PDE6B: variants seen among roughly 807,000 people sequenced by gnomAD.
PDE6B encodes rod cGMP-specific 3',5'-cyclic phosphodiesterase subunit beta.
PDE6B carries 106 observed loss-of-function variants against 109.0 expected under a neutral mutation model. The observed-to-expected ratio is 0.97, with a 90% CI of 0.83 to 1.14. The LOEUF (loss-of-function observed/expected upper bound fraction) is 1.14, where lower values mean the gene tolerates loss of function less well. PDE6B is among the 50% of genes most tolerant of loss of function. The pLI, the probability that PDE6B is intolerant of heterozygous loss-of-function variation, is 0.00. For missense variants in PDE6B, 1,193 were observed against 1,155.6 expected (o/e 1.03, Z -0.47); for synonymous variants, 490 against 471.3 (o/e 1.04, Z -0.51).
Position 663,690 on chromosome 4 carries a change from C to G in PDE6B, c.1921-80C>G. 1 of 1,033,798 alleles carries G rather than the reference C, an allele frequency of 9.7e-7. No individual in the cohort carries two copies. Among genetic ancestry groups the G allele is most frequent in the South Asian group, 1.3e-5 (1 of 77,028 alleles). The allele number at this position is 1,033,798 out of a possible 1,614,324, so 64.0% of individuals were successfully genotyped here. ...CGGGGGCGTGAGAGGCACAGGCAGC[C>G]GAGGCGGAAGGGGCGGGGTCCCCGG... On this transcript the variant is annotated intron_variant, in intron 15 of 21. Coordinates refer to ENST00000496514, the MANE Select transcript of PDE6B (RefSeq NM_000283.4). The surrounding 1 kb of genome is among the most constrained non-coding windows in gnomAD (Gnocchi z 4.0).
Position 658,898 on chromosome 4 carries a change from A to G in PDE6B, c.1402-54A>G. On this transcript the variant is annotated intron_variant, in intron 10 of 21. Coordinates refer to ENST00000496514, the MANE Select transcript of PDE6B (RefSeq NM_000283.4). ...CACACGGGGTGGACGCACCGCCGTCACCTTGTCCCACATGCGAAGCTCTTT... is the reference window on the plus strand; with the variant it reads ...CACACGGGGTGGACGCACCGCCGTCGCCTTGTCCCACATGCGAAGCTCTTT... The G allele has an allele frequency of 6.1e-6, 8 of 1,315,616 alleles. No homozygotes were observed. The Admixed American group carries it at 1.3e-4, about 22-fold the overall frequency. 81.5% of individuals were successfully genotyped at this position (1,315,616 alleles called of 1,614,324 possible).
At position 667,968 on chromosome 4, in the gene PDE6B, A is replaced by G; in HGVS notation, c.2465A>G (p.Glu822Gly). The stretch of plus-strand genomic sequence containing the variant: ...TATGAGGCCAAAGTGAAGGCTCTGG[A>G]GGAGAAGGAGGAGGAGGAGAGGGTG... ...DEYEAKVKAL[E>G]EKEEEERVAA... Residue 822 changes from glutamate to glycine, a missense_variant, in exon 21 of 22, where the codon GAG (glutamate) becomes GGG (glycine). Coordinates refer to ENST00000496514, the MANE Select transcript of PDE6B (RefSeq NM_000283.4). 1 of 1,612,926 alleles carries G rather than the reference A, an allele frequency of 6.2e-7. No individual in the cohort carries two copies. The highest frequency in any genetic ancestry group is 8.5e-7 in the Non-Finnish European group (1 of 1,179,674).
Position 664,871 on chromosome 4 carries a change from G to T in PDE6B, c.2130-10G>T. The T allele has an allele frequency of 6.2e-7, 1 of 1,612,148 alleles. No individual in the cohort carries two copies. On this transcript the variant is annotated splice_polypyrimidine_tract_variant and intron_variant, in intron 17 of 21. Coordinates refer to ENST00000496514, the MANE Select transcript of PDE6B (RefSeq NM_000283.4). Reference sequence around the variant, plus strand: ...GCCCATCAGCACTCGTGCCCGGTTTGTGTCTGCAGGGCCATGATGATGACA... The same window carrying T: ...GCCCATCAGCACTCGTGCCCGGTTTTTGTCTGCAGGGCCATGATGATGACA...
intron 1 of PDE6B, among the ~76,000 whole-genome samples, chr4:628,439 C>G (rs1354726831): frequency 6.6e-6 from 1 of 152,120 alleles, no homozygotes; most frequent in East Asian, 1.9e-4. Flanking sequence ...GTCTCACCCT[C>G]CTGCCCGGGC....
chr4:650,568 G>A (rs1204325336), intron 3 of PDE6B, among the ~76,000 whole-genome samples: 2 of 152,218 alleles, frequency 1.3e-5, no homozygotes, highest in African/African-American at 2.4e-5. Context: ...AGGGCACCGA[G>A]GGGACAGAGT....
At chr4:641,507 G>C (rs1027227327) in intron 3 of PDE6B, among the ~76,000 whole-genome samples, 4 of 152,202 alleles carry the variant, frequency 2.6e-5, no homozygotes, top group Non-Finnish European at 5.9e-5. Context: ...ACCAAGTACC[G>C]TCACAGCCAC....
At chr4:630,326 G>A in intron 1 of PDE6B, among the ~76,000 whole-genome samples, 1 of 152,116 alleles carries the variant, frequency 6.6e-6, no homozygotes, top group Non-Finnish European at 1.5e-5. Flanking sequence ...GCGGGAGGGA[G>A]CCGCTGAGGC....
chr4:639,649 G>A (rs1156998560), intron 3 of PDE6B, among the ~76,000 whole-genome samples: 1 of 152,172 alleles, frequency 6.6e-6, no homozygotes, highest in Non-Finnish European at 1.5e-5. Context: ...CCCTGCTTCT[G>A]GCATGAGAAA....
At chr4:649,583 G>T (rs552592721) in intron 3 of PDE6B, among the ~76,000 whole-genome samples, 19 of 152,262 alleles carry the variant, frequency 1.2e-4, no homozygotes, top group African/African-American at 3.6e-4. Context: ...CACAGCCTGG[G>T]AAGACTGTTC....
intron 8 of PDE6B, 81 bp from the exon 9 acceptor site, chr4:656,793 A>G (rs1736313788): frequency 9.1e-6 from 12 of 1,321,176 alleles, no homozygotes; most frequent in Non-Finnish European, 1.3e-5. Context: ...GGGAGAAGAC[A>G]TGAGGTCACT....
In PDE6B at chr4:648,746, C is replaced by A. The variant is rs1735336359; in HGVS notation, c.712-5106C>A. Among the ~76,000 whole-genome samples the A allele has an allele frequency of 6.6e-6, 1 of 152,256 alleles. No homozygotes were observed. Among genetic ancestry groups the A allele is most frequent in the South Asian group, 2.1e-4 (1 of 4,832 alleles). ...GCCTGTTCGGCTTAGTGGAGCAATT[C>A]TCACCGCCCAGCTGTCTGAGCTGCA... On this transcript the variant is annotated intron_variant, in intron 3 of 21. Transcript: ENST00000496514. The surrounding 1 kb of genome is among the most constrained non-coding windows in gnomAD (Gnocchi z 4.5).
chr4:632,302 C>T (rs1734425178), intron 1 of PDE6B, among the ~76,000 whole-genome samples: 1 of 146,772 alleles, frequency 6.8e-6, no homozygotes, highest in African/African-American at 2.5e-5. Context: ...GTGTGTGGCA[C>T]CATCTAAGGG....
At position 636,836 on chromosome 4, in the gene PDE6B, G is replaced by A. The variant is rs1219085483; in HGVS notation, c.711+867G>A. 1.3e-5 allele frequency among the ~76,000 whole-genome samples: 2 copies of A among 152,230 alleles called. No homozygotes were observed. The highest frequency in any genetic ancestry group is 1.3e-4 in the Admixed American group (2 of 15,290). On this transcript the variant is annotated intron_variant, in intron 3 of 21. Coordinates refer to ENST00000496514, the MANE Select transcript of PDE6B (RefSeq NM_000283.4). The surrounding 1 kb of genome is among the most constrained non-coding windows in gnomAD (Gnocchi z 4.5). ...CCAGGGCTGCCTCAGGGGCAGTCTG[G>A]AAAGGCGGTCAGGGCCCCTGGGGCA...
Position 636,117 on chromosome 4 carries a change from T to C in PDE6B, c.711+148T>C. ...GGCATTGCTCAGGGGAGAGGAGGGC[T>C]CCATGGCTTCTGTGGCTGTGCTGAG... On this transcript the variant is annotated intron_variant, in intron 3 of 21. Transcript: ENST00000496514. The surrounding 1 kb of genome is among the most constrained non-coding windows in gnomAD (Gnocchi z 4.5). The C allele has an allele frequency of 1.5e-6, 1 of 653,622 alleles. No homozygotes were observed. Among genetic ancestry groups the C allele is most frequent in the Non-Finnish European group, 2.8e-6 (1 of 359,648 alleles). The allele number at this position is 653,622 out of a possible 1,614,324, so 40.5% of individuals were successfully genotyped here.
In PDE6B at chr4:665,582, G is replaced by A. The variant is rs28583078; in HGVS notation, c.2268+253G>A. Among the ~76,000 whole-genome samples, 31,910 of 152,118 alleles carry A rather than the reference G, an allele frequency of 0.21. 4,306 individuals are homozygous for A. The highest frequency in any genetic ancestry group is 0.38 in the African/African-American group (15,592 of 41,476). On this transcript the variant is annotated intron_variant, in intron 19 of 21. Coordinates refer to ENST00000496514, the MANE Select transcript of PDE6B (RefSeq NM_000283.4). This position sits in a 1 kb window ranked among gnomAD's most constrained non-coding sequence, Gnocchi z 4.0. ...AACCAGGGCCACCCGCTCATCACCA[G>A]GAGCCTCTGGGTCCAGGCAGCTCTG...
chr4:666,151 A>AG lies in PDE6B; in HGVS notation c.2269-379dup, dbSNP rs1259176832. Among the ~76,000 whole-genome samples, 2 of 152,172 alleles carry AG rather than the reference A, an allele frequency of 1.3e-5. No individual in the cohort carries two copies. Among genetic ancestry groups the AG allele is most frequent in the Non-Finnish European group, 2.9e-5 (2 of 68,022 alleles). ...CTGTGTCTGCCCCAGGCGAGTGCACAGCGAGGTCCTGGTCAGCCGAGTGTC... is the reference window on the plus strand; with the variant it reads ...CTGTGTCTGCCCCAGGCGAGTGCACAGGCGAGGTCCTGGTCAGCCGAGTGTC... On this transcript the variant is annotated intron_variant, in intron 19 of 21. Transcript: ENST00000496514. This position sits in a 1 kb window ranked among gnomAD's most constrained non-coding sequence, Gnocchi z 5.6.
Position 659,014 on chromosome 4 carries a change from C to G in PDE6B, c.1464C>G (p.Ile488Met). 6.2e-7 allele frequency: 1 copy of G among 1,612,522 alleles called. No individual in the cohort carries two copies. The highest frequency in any genetic ancestry group is 8.5e-7 in the Non-Finnish European group (1 of 1,178,892). The change falls in exon 11 of 22, where the codon ATC becomes ATG. Residue 488 changes from isoleucine (I) to methionine (M), a missense_variant. Ile to Met is a conservative substitution (Grantham distance 10, BLOSUM62 1). Coordinates refer to ENST00000496514, the MANE Select transcript of PDE6B (RefSeq NM_000283.4). ...GCGATGAGGACGAGCTGGGCGAAAT[C>G]CTGGTAAGAACCTTGCTCCCGTCCC... ...ADCDEDELGE[I>M]LKEELPGPTT...
chr4:663,329 A>G lies in PDE6B; in HGVS notation c.1920+142A>G. 1.5e-6 allele frequency: 1 copy of G among 683,340 alleles called. No individual in the cohort carries two copies. Among genetic ancestry groups the G allele is most frequent in the Non-Finnish European group, 2.7e-6 (1 of 370,608 alleles). 42.3% of individuals were successfully genotyped at this position (683,340 alleles called of 1,614,324 possible). On this transcript the variant is annotated intron_variant, in intron 15 of 21. Transcript: ENST00000496514. This position sits in a 1 kb window ranked among gnomAD's most constrained non-coding sequence, Gnocchi z 4.0. ...TGAGCACTGGGGGAGGGCGGCAGAGAAGGCGGAGGGCCGAGGCTGAGGGCA... is the reference window on the plus strand; with the variant it reads ...TGAGCACTGGGGGAGGGCGGCAGAGGAGGCGGAGGGCCGAGGCTGAGGGCA...
chr4:643,918 C>CTTTT (rs57739128), intron 3 of PDE6B, among the ~76,000 whole-genome samples: 47 of 107,726 alleles, frequency 4.4e-4, no homozygotes, highest in African/African-American at 8.4e-4. Context: ...AGTTCAAAAT[C>CTTTT]TTTTTTTTTT....
Sources: gnomAD v4.1 joint callset for allele counts (sites outside exome capture counted in the v4.1 genomes callset) on GRCh38, gnomAD v4.1.1 for gene constraint, Gnocchi (gnomAD v3.1) non-coding constraint, MANE v1.5 for transcripts, NCBI Gene and HGNC (gene_info 2026-07-23, HGNC 2026-07-21) for gene names.